The following CLASP1 variants were observed in gnomAD, a reference collection of about 807,000 sequenced individuals.
CLASP1 encodes the protein cytoplasmic linker associated protein 1, also known as CLIP-associating protein 1.
CLASP1 carries 38 observed loss-of-function variants against 192.3 expected under a neutral mutation model. That is an observed-to-expected ratio of 0.20 (90% CI 0.15 to 0.26). The LOEUF is 0.26. Ranked by LOEUF, CLASP1 falls within the 10% of genes least tolerant of loss-of-function variation. The pLI, the probability that CLASP1 is intolerant of heterozygous loss-of-function variation, is 1.00. For synonymous variants in CLASP1, 691 were observed against 712.8 expected (o/e 0.97, Z 0.49); for missense variants, 1,433 against 1,932.5 (o/e 0.74, Z 4.85).
chr2:121,515,571 A>T, intron 7 of CLASP1, 94 bp downstream of exon 7: 2 of 969,704 alleles, frequency 2.1e-6, no homozygotes, highest in Non-Finnish European at 3.2e-6. Flanking sequence ...AAATAACCAC[A>T]ACAGAAAAAG....
At chr2:121,463,063 A>G (rs954954116) in intron 9 of CLASP1, among the ~76,000 whole-genome samples, 1 of 152,198 alleles carries the variant, frequency 6.6e-6, no homozygotes, top group Non-Finnish European at 1.5e-5. Context: ...ATTAGTTTGA[A>G]AACATTTCTA....
In CLASP1 at chr2:121,595,090, T is replaced by A. The variant is rs1312071733; in HGVS notation, c.195+10611A>T. Among the ~76,000 whole-genome samples the A allele has an allele frequency of 3.3e-5, 5 of 152,188 alleles. No homozygotes were observed. The East Asian group carries it at 9.6e-4, about 29-fold the overall frequency. ...TTTAAGAAATCAACTGTGGGGTACG[T>A]CCTTACACCCTTTTCTTTTATGCTC... is the stretch of plus-strand genomic sequence containing the variant. On this transcript the variant is annotated intron_variant, in intron 2 of 39. Transcript: ENST00000263710.
chr2:121,489,484 C>T (rs1422444727), intron 8 of CLASP1, among the ~76,000 whole-genome samples: 1 of 152,172 alleles, frequency 6.6e-6, no homozygotes, highest in East Asian at 1.9e-4. Flanking sequence ...CTGTGCAATA[C>T]CTGTTTCAGT....
chr2:121,530,830 C>A, intron 2 of CLASP1: 1 of 658,934 alleles, frequency 1.5e-6, no homozygotes. Flanking sequence ...TTACCACAAC[C>A]CTACCAGGTA....
chr2:121,392,511 A>G (rs1225667728), intron 30 of CLASP1, among the ~76,000 whole-genome samples: 7 of 152,222 alleles, frequency 4.6e-5, no homozygotes, highest in Non-Finnish European at 5.9e-5. Flanking sequence ...TGTGGCTGCA[A>G]GCAATCCTCC....
In CLASP1 at chr2:121,555,209, C is replaced by T. The variant is rs941364439; in HGVS notation, c.196-24884G>A. 2.0e-5 allele frequency among the ~76,000 whole-genome samples: 3 copies of T among 152,308 alleles called. No individual in the cohort carries two copies. The East Asian group carries it at 5.8e-4, about 29-fold the overall frequency. On this transcript the variant is annotated intron_variant, in intron 2 of 39. Coordinates refer to ENST00000263710, the Ensembl canonical transcript of CLASP1. The stretch of plus-strand genomic sequence containing the variant: ...AGTTTTCCTGGATGTGCTGTGCTCT[C>T]GCATGCTCCCGTCTGCAGCACTGTG...
In CLASP1 at chr2:121,625,015, T is replaced by A. The variant is rs554491164; in HGVS notation, c.-285-18835A>T. Among the ~76,000 whole-genome samples, 3 of 152,340 alleles carry A rather than the reference T, an allele frequency of 2.0e-5. No homozygotes were observed. The South Asian group carries it at 6.2e-4, about 32-fold the overall frequency. ...GATATCTAATTTCATTCCATTATGG[T>A]CAGAGAACATAGTATGATTTCCATC... On this transcript the variant is annotated intron_variant, in intron 1 of 39. Coordinates refer to ENST00000263710, the Ensembl canonical transcript of CLASP1.
At chr2:121,387,551 T>C (rs1260689932) in intron 31 of CLASP1, among the ~76,000 whole-genome samples, 1 of 152,032 alleles carries the variant, frequency 6.6e-6, no homozygotes, top group Non-Finnish European at 1.5e-5. Flanking sequence ...CTAGTGAAAA[T>C]GTAGTTGACT....
chr2:121,421,020 T>C (rs1008564897), intron 22 of CLASP1, among the ~76,000 whole-genome samples: 6 of 152,220 alleles, frequency 3.9e-5, no homozygotes, highest in African/African-American at 1.2e-4. Context: ...ATTTAACATA[T>C]GGCTAGTAGC....
Position 121,377,853 on chromosome 2 carries a change from C to T in CLASP1, c.3492-204G>A, listed in dbSNP as rs17006402. Reference sequence around the variant, plus strand: ...TCTTCTTTGTTAAATCTGCCAAACACATTACATCAGCACTCAATAAAAACC... The same window carrying T: ...TCTTCTTTGTTAAATCTGCCAAACATATTACATCAGCACTCAATAAAAACC... On this transcript the variant is annotated intron_variant, in intron 33 of 39. Transcript: ENST00000263710. Among the ~76,000 whole-genome samples the T allele has an allele frequency of 1.3e-4, 20 of 152,200 alleles. No individual in the cohort carries two copies. In the East Asian group the frequency reaches 3.9e-3, roughly 29 times the overall value.
At chr2:121,535,455 T>G (rs998028325) in intron 2 of CLASP1, among the ~76,000 whole-genome samples, 12 of 152,152 alleles carry the variant, frequency 7.9e-5, no homozygotes, top group African/African-American at 2.7e-4. Flanking sequence ...CTAAGTGCAC[T>G]GTAAATACAT....
At chr2:121,554,454 TAAAA>T (rs56965310) in intron 2 of CLASP1, among the ~76,000 whole-genome samples, 7 of 87,532 alleles carry the variant, frequency 8.0e-5, no homozygotes, top group African/African-American at 2.2e-4. Context: ...CTACAAAAAG[TAAAA>T]AAAAAAAAAA....
intron 24 of CLASP1, chr2:121,409,105 C>T: frequency 7.2e-7 from 1 of 1,389,550 alleles, no homozygotes; most frequent in Non-Finnish European, 9.9e-7. Context: ...ATGTCAGAAG[C>T]ATATGTAGGG....
intron 11 of CLASP1, 85 bp from the exon 12 acceptor site, chr2:121,460,210 G>C (rs934967571): frequency 1.6e-5 from 18 of 1,122,666 alleles, no homozygotes; most frequent in Non-Finnish European, 2.1e-5. Flanking sequence ...AAATACAAAA[G>C]AGATCATTGT....
intron 6 of CLASP1, among the ~76,000 whole-genome samples, chr2:121,522,091 G>A (rs900427642): frequency 8.5e-5 from 13 of 152,318 alleles, no homozygotes; most frequent in South Asian, 6.2e-4. Context: ...CTTCCTGGCA[G>A]AAGGGAGACA....
At chr2:121,542,212 C>A (rs1300225878) in intron 2 of CLASP1, among the ~76,000 whole-genome samples, 2 of 152,160 alleles carry the variant, frequency 1.3e-5, no homozygotes, top group Non-Finnish European at 2.9e-5. Context: ...TTACACAAAA[C>A]GATGATGGAT....
At chr2:121,511,037 CAG>C (rs2094118338) in intron 7 of CLASP1, among the ~76,000 whole-genome samples, 1 of 151,878 alleles carries the variant, frequency 6.6e-6, no homozygotes, top group South Asian at 2.1e-4. Flanking sequence ...ACACAACTGG[CAG>C]AGAGGTTAGC....
At chr2:121,363,223 G>A (rs777133463) in exon 37 of CLASP1, 9 of 1,613,728 alleles carry the variant, frequency 5.6e-6, no homozygotes, top group East Asian at 2.2e-5. Context: ...TCGTCAGCTC[G>A]GCGTAGTTTT....
intron 32 of CLASP1, among the ~76,000 whole-genome samples, chr2:121,384,007 T>TATATAC (rs1159284078): frequency 0.014 from 1,971 of 139,700 alleles, 36 homozygotes; most frequent in East Asian, 0.075. Context: ...TATATATATA[T>TATATAC]ACACACACAC....
Sources: allele counts gnomAD v4.1 joint callset (sites outside exome capture counted in the v4.1 genomes callset), GRCh38; gene constraint gnomAD v4.1.1; transcripts MANE v1.5; gene names NCBI Gene and HGNC (gene_info 2026-07-23, HGNC 2026-07-21).